The following ECHDC3 variants were observed in gnomAD, a reference collection of about 807,000 sequenced individuals.
ECHDC3 encodes enoyl-CoA hydratase domain-containing protein 3, mitochondrial.
In ECHDC3, 20 loss-of-function variants were observed where a neutral mutation model predicts 17.9. The ratio of observed to expected loss-of-function variants is 1.12; its 90% CI spans 0.79 to 1.63. The LOEUF is 1.63. ECHDC3 is among the 40% of genes most tolerant of loss of function. ECHDC3 has a pLI of 0.00. For synonymous variants in ECHDC3, 177 were observed against 149.7 expected (o/e 1.18, Z -1.33); for missense variants, 407 against 357.7 (o/e 1.14, Z -1.11).
At chr10:11,747,322 C>G in intron 1 of ECHDC3, 27 bp from the exon 2 acceptor site, 1 of 1,611,832 alleles carries the variant, frequency 6.2e-7, no homozygotes, top group Non-Finnish European at 8.5e-7. Flanking sequence ...GGTGTGTGAC[C>G]CTGTGATTGT....
chr10:11,755,254 A>C, intron 3 of ECHDC3, 154 bp from the exon 4 acceptor site: 1 of 628,782 alleles, frequency 1.6e-6, no homozygotes, highest in Non-Finnish European at 2.6e-6. Flanking sequence ...TGAACTCGGG[A>C]GGAAGAGGTT....
At chr10:11,761,555 C>G (rs1024792414) in intron 4 of ECHDC3, among the ~76,000 whole-genome samples, 1 of 152,248 alleles carries the variant, frequency 6.6e-6, no homozygotes, top group Non-Finnish European at 1.5e-5. Flanking sequence ...GAAGGCTTCT[C>G]TCTGCTCCAG....
intron 4 of ECHDC3, among the ~76,000 whole-genome samples, chr10:11,761,143 C>G (rs1832946261): frequency 6.6e-6 from 1 of 152,236 alleles, no homozygotes. Context: ...CTTCTGGTCT[C>G]TCTATCCAAG....
chr10:11,753,483 G>C (rs1832850701), intron 3 of ECHDC3, among the ~76,000 whole-genome samples: 1 of 152,138 alleles, frequency 6.6e-6, no homozygotes, highest in Non-Finnish European at 1.5e-5. Context: ...ACAGATGATG[G>C]ACAGGACAGG....
intron 4 of ECHDC3, among the ~76,000 whole-genome samples, chr10:11,762,328 G>A (rs1020819836): frequency 6.6e-6 from 1 of 152,176 alleles, no homozygotes; most frequent in African/African-American, 2.4e-5. Context: ...GTCACCCCAG[G>A]CAGAGGGACC....
chr10:11,754,006 C>G (rs955631717), intron 3 of ECHDC3, among the ~76,000 whole-genome samples: 1 of 152,026 alleles, frequency 6.6e-6, no homozygotes, highest in African/African-American at 2.4e-5. Flanking sequence ...GTCTCAAACT[C>G]TTGACCTCAG....
chr10:11,762,474 G>A (rs1025743175), intron 4 of ECHDC3, among the ~76,000 whole-genome samples: 1 of 152,214 alleles, frequency 6.6e-6, no homozygotes, highest in African/African-American at 2.4e-5. Context: ...GTGCACCTGG[G>A]GACCCCTCTT....
At chr10:11,746,225 G>A (rs1160438330) in intron 1 of ECHDC3, among the ~76,000 whole-genome samples, 5 of 151,628 alleles carry the variant, frequency 3.3e-5, no homozygotes, top group Non-Finnish European at 5.9e-5. Flanking sequence ...CTACTTGGGA[G>A]CCTGAGGCAA....
At chr10:11,755,733 GT>G in intron 4 of ECHDC3, 125 bp downstream of exon 4, 3 of 959,450 alleles carry the variant, frequency 3.1e-6, no homozygotes, top group Non-Finnish European at 4.6e-6. Flanking sequence ...TCTGCCCAGA[GT>G]GCCTCTGGCT....
rs139837566 is a variant in ECHDC3 at position 11,749,420 on chromosome 10, A to G, written c.293-75A>G. 6.0e-4 allele frequency: 848 copies of G among 1,418,192 alleles called. 6 individuals are homozygous for G. In the African/African-American group the frequency reaches 0.011, roughly 18 times the overall value. 87.9% of individuals were successfully genotyped at this position (1,418,192 alleles called of 1,614,324 possible). On this transcript the variant is annotated intron_variant, in intron 2 of 4. Transcript: ENST00000379215. Reference sequence around the variant, plus strand: ...GTTTGCTGAAGTTATTCAGTAGACAAGGAAGGGAACTAACTGCCCAACTCT... The same window carrying G: ...GTTTGCTGAAGTTATTCAGTAGACAGGGAAGGGAACTAACTGCCCAACTCT...
chr10:11,752,752 A>G (rs1251207924), intron 3 of ECHDC3, among the ~76,000 whole-genome samples: 1 of 152,142 alleles, frequency 6.6e-6, no homozygotes, highest in Non-Finnish European at 1.5e-5. Context: ...TCCATTTTAC[A>G]GATGTGAAAA....
intron 1 of ECHDC3, among the ~76,000 whole-genome samples, chr10:11,745,715 T>A (rs1306921554): frequency 6.6e-6 from 1 of 152,184 alleles, no homozygotes; most frequent in Non-Finnish European, 1.5e-5. Flanking sequence ...TTGAGGAAGG[T>A]AGGAAACCTG....
intron 4 of ECHDC3, among the ~76,000 whole-genome samples, chr10:11,761,782 T>G (rs975941205): frequency 1.3e-5 from 2 of 152,234 alleles, no homozygotes; most frequent in Non-Finnish European, 2.9e-5. Context: ...TGCCCTTGTC[T>G]CAAAGGAACC....
In ECHDC3 at chr10:11,742,500, G is replaced by A; in HGVS notation, c.-77G>A. Reference sequence around the variant, plus strand: ...GAGTTCCGTCCCGGCCCTGCTCACAGCAGCGCCCTCGGAGCGCCCAGCACC... The same window carrying A: ...GAGTTCCGTCCCGGCCCTGCTCACAACAGCGCCCTCGGAGCGCCCAGCACC... On this transcript the variant is annotated 5_prime_UTR_variant, in exon 1 of 5. Transcript: ENST00000379215. 8.1e-7 allele frequency: 1 copy of A among 1,229,082 alleles called. No individual in the cohort carries two copies. The highest frequency in any genetic ancestry group is 1.0e-6 in the Non-Finnish European group (1 of 980,026). 76.1% of individuals were successfully genotyped at this position (1,229,082 alleles called of 1,614,324 possible).
intron 3 of ECHDC3, among the ~76,000 whole-genome samples, chr10:11,754,688 G>A (rs1317322080): frequency 1.3e-5 from 2 of 152,184 alleles, no homozygotes; most frequent in African/African-American, 4.8e-5. Flanking sequence ...GCACAGTGAG[G>A]ACAGAACTGT....
At chr10:11,757,571 C>T (rs577492104) in intron 4 of ECHDC3, among the ~76,000 whole-genome samples, 37 of 117,588 alleles carry the variant, frequency 3.1e-4, no homozygotes, top group African/African-American at 9.9e-4. Context: ...ATGTTCTGAC[C>T]CCCAGAAGGC....
rs751079767 is a variant in ECHDC3 at position 11,742,592 on chromosome 10, G to A, written c.16G>A (p.Val6Ile). ...CCCGAATGCTATGGCCGCCGTCGCC[G>A]TCTTGCGGGCCTTCGGGGCAAGTGG... MAAVA[V>I]LRAFGASGPM... The change falls in exon 1 of 5, where the codon GTC becomes ATC. Residue 6 changes from valine (V) to isoleucine (I), a missense_variant. Physicochemically the swap from Val to Ile is conservative, Grantham distance 29. Coordinates refer to ENST00000379215, the MANE Select transcript of ECHDC3 (RefSeq NM_024693.5). 6 of 1,289,594 alleles carry A rather than the reference G, an allele frequency of 4.7e-6. No homozygotes were observed. In the South Asian group the frequency reaches 9.8e-5, roughly 21 times the overall value. 79.9% of individuals were successfully genotyped at this position (1,289,594 alleles called of 1,614,324 possible).
chr10:11,749,554 C>G lies in ECHDC3; in HGVS notation c.352C>G (p.Arg118Gly), dbSNP rs141101500. The change falls in exon 3 of 5, where the codon CGT becomes GGT. Residue 118 changes from arginine to glycine, a missense_variant. Coordinates refer to ENST00000379215, the MANE Select transcript of ECHDC3 (RefSeq NM_024693.5). ...DLKELTEEQG[R>G]DYHAEVFQTC... Reference sequence around the variant, plus strand: ...AAAGGAGCTGACAGAGGAGCAAGGCCGTGATTACCATGCCGAAGTATTTCA... The same window carrying G: ...AAAGGAGCTGACAGAGGAGCAAGGCGGTGATTACCATGCCGAAGTATTTCA... 3.7e-6 allele frequency: 6 copies of G among 1,614,006 alleles called. No individual in the cohort carries two copies. Among genetic ancestry groups the G allele is most frequent in the Non-Finnish European group, 5.1e-6 (6 of 1,180,002 alleles).
intron 4 of ECHDC3, among the ~76,000 whole-genome samples, chr10:11,758,845 G>C (rs1366434571): frequency 2.0e-5 from 3 of 152,246 alleles, no homozygotes; most frequent in African/African-American, 4.8e-5. Context: ...GTTCAGGCCT[G>C]ACTCTTTCCG....
Sources: gnomAD v4.1 joint callset for allele counts (sites outside exome capture counted in the v4.1 genomes callset) on GRCh38, gnomAD v4.1.1 for gene constraint, MANE v1.5 for transcripts, NCBI Gene and HGNC (gene_info 2026-07-23, HGNC 2026-07-21) for gene names.